Variants in NT5C2 observed in about 807,000 individuals in gnomAD.
NT5C2 encodes the protein 5'-nucleotidase, cytosolic II.
Under a neutral mutation model 76.1 loss-of-function variants are expected in NT5C2, and 58 were observed. That is an observed-to-expected ratio of 0.76 (90% CI 0.62 to 0.95). The LOEUF (loss-of-function observed/expected upper bound fraction) is 0.95. Among genes scored for constraint, NT5C2 ranks in the 40% least tolerant of loss-of-function variants. NT5C2 has a pLI of 0.00. For synonymous variants in NT5C2, 229 were observed against 237.4 expected, an observed-to-expected ratio of 0.96 and a Z score of 0.32; for missense variants, 478 against 690.3, an observed-to-expected ratio of 0.69 and a Z score of 3.45.
chr10:103,111,714 G>T, intron 4 of NT5C2: 1 of 1,225,404 alleles, frequency 8.2e-7, no homozygotes, highest in Non-Finnish European at 1.0e-6. Flanking sequence ...TTCCAGCCTA[G>T]CAGAGTGCTG....
At position 103,097,303 on chromosome 10, in the gene NT5C2, A is replaced by C. The variant is rs1198924217; in HGVS notation, c.759T>G (p.Tyr253Ter). ...GKVFLATNSD[Y>*]KYTDKIMTYL... ...ATGAAGCACTTACATCTGTATATTT[A>C]TAGTCACTGTTGGTAGCAAGAAATA... is the stretch of plus-strand genomic sequence containing the variant. The change falls in exon 11 of 19, where the codon TAT (tyrosine) becomes TAG (stop). Residue 253 changes from tyrosine (Y) to a stop codon, truncating the protein, a stop_gained. Coordinates refer to ENST00000404739, the MANE Select transcript of NT5C2 (RefSeq NM_001351169.2). LOFTEE classifies it high-confidence loss of function. 3.7e-6 allele frequency: 6 copies of C among 1,612,386 alleles called. No homozygotes were observed. The highest frequency in any genetic ancestry group is 5.1e-6 in the Non-Finnish European group (6 of 1,178,682).
chr10:103,116,863 C>T (rs745319793), intron 4 of NT5C2, among the ~76,000 whole-genome samples: 3 of 151,940 alleles, frequency 2.0e-5, no homozygotes, highest in Admixed American at 6.6e-5. Flanking sequence ...TCATGAAACA[C>T]GATGCCCAGC....
At chr10:103,098,891 T>A (rs1282850519) in intron 10 of NT5C2, 40 bp downstream of exon 10, 7 of 1,334,394 alleles carry the variant, frequency 5.2e-6, no homozygotes, top group Non-Finnish European at 7.4e-6. Context: ...ATAGGTAAAA[T>A]GAGCTATTAT....
intron 1 of NT5C2, among the ~76,000 whole-genome samples, chr10:103,187,483 C>T (rs915413375): frequency 2.0e-5 from 3 of 147,470 alleles, no homozygotes; most frequent in African/African-American, 5.0e-5. Context: ...ACCCGGGAGG[C>T]AGAGGTTGCA....
chr10:103,102,950 A>T (rs1258917237), intron 6 of NT5C2, among the ~76,000 whole-genome samples: 14 of 152,076 alleles, frequency 9.2e-5, no homozygotes, highest in Non-Finnish European at 4.4e-5. Context: ...CTTAGTGTGC[A>T]GAGAAGGAAG....
chr10:103,129,462 C>G (rs2077505257), intron 4 of NT5C2, among the ~76,000 whole-genome samples: 1 of 112,840 alleles, frequency 8.9e-6, no homozygotes, highest in Admixed American at 8.2e-5. Flanking sequence ...GCCACCCCGT[C>G]CGGGAGGGAG....
intron 1 of NT5C2, among the ~76,000 whole-genome samples, chr10:103,182,614 G>A (rs2091276611): frequency 6.6e-6 from 1 of 151,336 alleles, no homozygotes; most frequent in Non-Finnish European, 1.5e-5. Flanking sequence ...TAGCCTGGGT[G>A]ACAGAGCAAG....
At chr10:103,096,033 A>G in intron 11 of NT5C2, 53 bp from the exon 12 acceptor site, 1 of 1,307,768 alleles carries the variant, frequency 7.6e-7, no homozygotes, top group Non-Finnish European at 1.1e-6. Flanking sequence ...CAAAAGGTAT[A>G]TAACCTAAAG....
chr10:103,190,761 T>C (rs1303899493), intron 1 of NT5C2, among the ~76,000 whole-genome samples: 1 of 152,224 alleles, frequency 6.6e-6, no homozygotes, highest in Non-Finnish European at 1.5e-5. Flanking sequence ...TGATAGTTAG[T>C]ATTTTGTGTT....
Position 103,094,002 on chromosome 10 carries a change from G to A in NT5C2, c.958C>T (p.Pro320Ser). ...GAGTAGACGATACCATGCTGTAGGG[G>A]CCCTGTGTAGGTACCAATTTTCAGC... ...GKLKIGTYTG[P>S]LQHGIVYSGG... The change falls in exon 14 of 19, where the codon CCC becomes TCC. Residue 320 changes from proline (P) to serine (S), a missense_variant. Coordinates refer to ENST00000404739, the MANE Select transcript of NT5C2 (RefSeq NM_001351169.2). 6.2e-7 allele frequency: 1 copy of A among 1,613,668 alleles called. No individual in the cohort carries two copies. Among genetic ancestry groups the A allele is most frequent in the Non-Finnish European group, 8.5e-7 (1 of 1,179,640 alleles).
chr10:103,173,033 G>A (rs2088653961), intron 3 of NT5C2, among the ~76,000 whole-genome samples: 1 of 151,970 alleles, frequency 6.6e-6, no homozygotes, highest in Non-Finnish European at 1.5e-5. Flanking sequence ...AAAATCTGTA[G>A]AGTTGGGGTC....
chr10:103,150,589 T>C (rs1470836928), intron 3 of NT5C2, among the ~76,000 whole-genome samples: 4 of 152,208 alleles, frequency 2.6e-5, no homozygotes, highest in East Asian at 1.9e-4. Context: ...TAAAAAGACA[T>C]TGCCAAAACT....
chr10:103,181,272 C>G lies in NT5C2; in HGVS notation c.-112G>C, dbSNP rs1416125574. On this transcript the variant is annotated 5_prime_UTR_variant, in exon 2 of 19. Transcript: ENST00000404739. ...CTTTGGGAGGCCGAGGCGAATGGAT[C>G]ACTTGACGTCAGGAGATCACATCAC... The G allele has an allele frequency of 6.6e-6, 1 of 151,342 alleles. No individual in the cohort carries two copies. 9.4% of individuals were successfully genotyped at this position (151,342 alleles called of 1,614,324 possible). A position where few individuals can be genotyped will look rare whatever the true frequency, so the allele number is the denominator to read the frequency against.
chr10:103,120,492 A>T (rs2075440951), intron 4 of NT5C2, among the ~76,000 whole-genome samples: 1 of 152,242 alleles, frequency 6.6e-6, no homozygotes, highest in South Asian at 2.1e-4. Flanking sequence ...TTCTCCAAAG[A>T]AGTTATATAA....
chr10:103,185,710 G>T (rs976541925), intron 1 of NT5C2, among the ~76,000 whole-genome samples: 1 of 136,488 alleles, frequency 7.3e-6, no homozygotes, highest in East Asian at 2.1e-4. Context: ...TTTCAGGAAA[G>T]AACTCATTCT....
chr10:103,091,519 G>T (rs1233302457), intron 16 of NT5C2, 45 bp downstream of exon 16: 7 of 1,409,180 alleles, frequency 5.0e-6, no homozygotes. Flanking sequence ...ATATCTAAGT[G>T]ATTCCTGAGT....
rs190050431 is a variant in NT5C2, at chr10:103,101,368, A to G, written c.390-42T>C. The G allele has an allele frequency of 3.2e-4, 351 of 1,085,818 alleles. 2 individuals are homozygous for G. The African/African-American group carries it at 4.5e-3, about 14-fold the overall frequency. 67.3% of individuals were successfully genotyped at this position (1,085,818 alleles called of 1,614,324 possible). A position where few individuals can be genotyped will look rare whatever the true frequency, so the allele number is the denominator to read the frequency against. On this transcript the variant is annotated intron_variant, in intron 6 of 18. Transcript: ENST00000404739. ...AAAATTAACTGATTTTTAAAATAAC[A>G]TTATAATAATTGGGAAATAGCATTA...
At chr10:103,137,373 A>C (rs894683377) in intron 4 of NT5C2, among the ~76,000 whole-genome samples, 1 of 152,186 alleles carries the variant, frequency 6.6e-6, no homozygotes, top group Non-Finnish European at 1.5e-5. Flanking sequence ...AAACAAATAA[A>C]TGACAAAGAG....
At chr10:103,178,966 T>TTTTTTTTTG (rs2090582885) in intron 2 of NT5C2, among the ~76,000 whole-genome samples, 1 of 149,790 alleles carries the variant, frequency 6.7e-6, no homozygotes, top group Non-Finnish European at 1.5e-5. Flanking sequence ...TTTTTTTTTT[T>TTTTTTTTTG]GAGATAGAGT....
Sources: allele counts gnomAD v4.1 joint callset (sites outside exome capture counted in the v4.1 genomes callset), GRCh38; gene constraint gnomAD v4.1.1; transcripts MANE v1.5; gene names NCBI Gene and HGNC (gene_info 2026-07-23, HGNC 2026-07-21).